The following SV2B variants were observed in gnomAD, a reference collection of about 807,000 sequenced individuals.
The protein encoded by SV2B is synaptic vesicle glycoprotein 2B.
In SV2B, 41 loss-of-function variants were observed where a neutral mutation model predicts 73.9. The ratio of observed to expected loss-of-function variants is 0.56; its 90% confidence interval spans 0.43 to 0.72. The LOEUF is 0.72. SV2B is among the 30% of genes least tolerant of loss of function. The pLI is 0.00. For missense variants in SV2B, 764 were observed against 857.8 expected (o/e 0.89, Z 1.37); for synonymous variants, 314 against 314.2 (o/e 1.00, Z 0.01).
chr15:91,162,033 C>T (rs887996651), intron 1 of SV2B, among the ~76,000 whole-genome samples: 6 of 152,168 alleles, frequency 3.9e-5, no homozygotes, highest in Admixed American at 2.6e-4. Flanking sequence ...TCTTAGATAG[C>T]TGCAGAAATG....
intron 1 of SV2B, among the ~76,000 whole-genome samples, chr15:91,210,633 C>T (rs72748102): frequency 0.024 from 3,611 of 152,244 alleles, 70 homozygotes; most frequent in Non-Finnish European, 0.04. Flanking sequence ...CCCTTAACCT[C>T]GGTAACTCCT....
At chr15:91,217,399 C>T (rs981457258) in intron 1 of SV2B, among the ~76,000 whole-genome samples, 2 of 151,910 alleles carry the variant, frequency 1.3e-5, no homozygotes, top group African/African-American at 4.8e-5. Context: ...TATGGGACCT[C>T]TTGGAGTAAT....
At chr15:91,230,212 G>A (rs1228576689) in intron 2 of SV2B, among the ~76,000 whole-genome samples, 2 of 150,162 alleles carry the variant, frequency 1.3e-5, no homozygotes, top group East Asian at 2.0e-4. Context: ...CTGTACTCCA[G>A]CCTGGGTGAA....
At chr15:91,208,205 C>A (rs910928457) in intron 1 of SV2B, among the ~76,000 whole-genome samples, 1 of 152,204 alleles carries the variant, frequency 6.6e-6, no homozygotes, top group African/African-American at 2.4e-5. Context: ...GGTGTCTGAG[C>A]AGCTGGTTTC....
chr15:91,260,185 A>C (rs1400113336), intron 5 of SV2B, 135 bp from the exon 6 acceptor site: 7 of 682,140 alleles, frequency 1.0e-5, no homozygotes, highest in Non-Finnish European at 1.7e-5. Context: ...TAATGAGTCC[A>C]TGTGCAATTG....
Position 91,258,678 on chromosome 15 carries a change from G to C in SV2B, c.918+124G>C. 7.1e-7 allele frequency: 1 copy of C among 1,402,796 alleles called. No homozygotes were observed. The highest frequency in any genetic ancestry group is 9.6e-7 in the Non-Finnish European group (1 of 1,046,826). The allele number at this position is 1,402,796 out of a possible 1,614,324, so 86.9% of individuals were successfully genotyped here. A position where few individuals can be genotyped will look rare whatever the true frequency, so the allele number is the denominator to read the frequency against. On this transcript the variant is annotated intron_variant, in intron 5 of 12. Coordinates refer to ENST00000394232, the MANE Select transcript of SV2B (RefSeq NM_001323032.3). The surrounding 1 kb of genome is among the most constrained non-coding windows in gnomAD (Gnocchi z 4.7). ...GCTTATGTGTTGCAAACTCTCCCCT[G>C]GTCGGCTGACCTCACTCATCATTGA...
intron 1 of SV2B, among the ~76,000 whole-genome samples, chr15:91,138,094 A>G (rs935987979): frequency 5.9e-5 from 9 of 152,220 alleles, no homozygotes; most frequent in East Asian, 3.8e-4. Context: ...TGATAGAAGT[A>G]TCACAACACT....
intron 2 of SV2B, among the ~76,000 whole-genome samples, chr15:91,249,634 G>A (rs1038852856): frequency 6.6e-6 from 1 of 151,940 alleles, no homozygotes; most frequent in African/African-American, 2.4e-5. Flanking sequence ...GCTAGACTAA[G>A]GAAAAAAGAA....
In SV2B at chr15:91,176,912, G is replaced by A. The variant is rs200282718; in HGVS notation, c.-391-48961G>A. Among the ~76,000 whole-genome samples the A allele has an allele frequency of 2.7e-4, 41 of 152,122 alleles. No homozygotes were observed. The East Asian group carries it at 2.9e-3, about 11-fold the overall frequency. On this transcript the variant is annotated intron_variant, in intron 1 of 12. Coordinates refer to ENST00000394232, the MANE Select transcript of SV2B (RefSeq NM_001323032.3). Reference sequence around the variant, plus strand: ...TTAGTTTAATTAGATCCCATTTGTCGATTTTGGCTTTTGTTGCCATTGCTT... The same window carrying A: ...TTAGTTTAATTAGATCCCATTTGTCAATTTTGGCTTTTGTTGCCATTGCTT...
Position 91,226,067 on chromosome 15 carries a change from G to A in SV2B, c.-197G>A, listed in dbSNP as rs1567362959. ...GACATCGAGTGCAAAAGGATATTTAGGTTGTCTTTGCACAAATCTGGTTGA... is the reference window on the plus strand; with the variant it reads ...GACATCGAGTGCAAAAGGATATTTAAGTTGTCTTTGCACAAATCTGGTTGA... On this transcript the variant is annotated 5_prime_UTR_variant, in exon 2 of 13. Transcript: ENST00000394232. 2 of 598,780 alleles carry A rather than the reference G, an allele frequency of 3.3e-6. No individual in the cohort carries two copies. Among genetic ancestry groups the A allele is most frequent in the East Asian group, 2.9e-5 (1 of 34,886 alleles). The allele number at this position is 598,780 out of a possible 1,614,324, so 37.1% of individuals were successfully genotyped here. A position where few individuals can be genotyped will look rare whatever the true frequency, so the allele number is the denominator to read the frequency against.
chr15:91,109,344 A>C (rs892952630), intron 1 of SV2B, among the ~76,000 whole-genome samples: 13 of 152,228 alleles, frequency 8.5e-5, no homozygotes, highest in Non-Finnish European at 1.8e-4. Flanking sequence ...GACTGTTCAA[A>C]CTGGGAGCTT....
intron 1 of SV2B, among the ~76,000 whole-genome samples, chr15:91,217,587 C>T (rs1252452274): frequency 2.6e-5 from 4 of 152,174 alleles, no homozygotes; most frequent in Admixed American, 2.6e-4. Flanking sequence ...GAATAAACAG[C>T]CACCAAACTG....
rs1194019801 is a variant in SV2B at position 91,226,225 on chromosome 15, A to G, written c.-39A>G. ...AAACCTCTACCACAGAGCGAGGGATATAGCTCAAGGGGCAACCAGGCAGTC... is the reference window on the plus strand; with the variant it reads ...AAACCTCTACCACAGAGCGAGGGATGTAGCTCAAGGGGCAACCAGGCAGTC... On this transcript the variant is annotated 5_prime_UTR_variant, in exon 2 of 13. It adds an upstream start codon to the 5' untranslated region. Transcript: ENST00000394232. 2 of 1,602,912 alleles carry G rather than the reference A, an allele frequency of 1.2e-6. No homozygotes were observed. Among genetic ancestry groups the G allele is most frequent in the Non-Finnish European group, 1.7e-6 (2 of 1,171,244 alleles).
chr15:91,281,718 C>A lies in SV2B; in HGVS notation c.1374-10C>A, dbSNP rs775550062. 1 of 1,589,520 alleles carries A rather than the reference C, an allele frequency of 6.3e-7. No individual in the cohort carries two copies. Among genetic ancestry groups the A allele is most frequent in the South Asian group, 1.1e-5 (1 of 87,670 alleles). ...AGATGAATCACTCAAGGGTCAACCTCTTCCCACAGGTTCACAAGAATGTAC... is the reference window on the plus strand; with the variant it reads ...AGATGAATCACTCAAGGGTCAACCTATTCCCACAGGTTCACAAGAATGTAC... On this transcript the variant is annotated splice_polypyrimidine_tract_variant and intron_variant, in intron 9 of 12. Transcript: ENST00000394232. This position sits in a 1 kb window ranked among gnomAD's most constrained non-coding sequence, Gnocchi z 4.7.
chr15:91,284,284 T>C lies in SV2B; in HGVS notation c.1708+63T>C. 1 of 1,549,896 alleles carries C rather than the reference T, an allele frequency of 6.5e-7. No homozygotes were observed. The highest frequency in any genetic ancestry group is 8.9e-7 in the Non-Finnish European group (1 of 1,129,850). ...GCTGGGGTGGTGACTTTCAAGTGTA[T>C]TAAACAGGGAAATTTTCCCTTTTAT... On this transcript the variant is annotated intron_variant, in intron 11 of 12. Transcript: ENST00000394232. This position sits in a 1 kb window ranked among gnomAD's most constrained non-coding sequence, Gnocchi z 4.5.
rs1381046351 is a variant in SV2B at position 91,105,925 on chromosome 15, T to C, written c.-392+5562T>C. 6.6e-6 allele frequency among the ~76,000 whole-genome samples: 1 copy of C among 152,206 alleles called. No homozygotes were observed. The highest frequency in any genetic ancestry group is 1.5e-5 in the Non-Finnish European group (1 of 68,042). The stretch of plus-strand genomic sequence containing the variant: ...TTAGCCAGGTGTGGTGGCACATGCC[T>C]GTAGCCCTAGCTACTCGGGAGTCTG... On this transcript the variant is annotated intron_variant, in intron 1 of 12. Coordinates refer to ENST00000394232, the MANE Select transcript of SV2B (RefSeq NM_001323032.3). The surrounding 1 kb of genome is among the most constrained non-coding windows in gnomAD (Gnocchi z 5.5).
In SV2B at chr15:91,133,934, A is replaced by G. The variant is rs147481762; in HGVS notation, c.-392+33571A>G. 4.4e-3 allele frequency among the ~76,000 whole-genome samples: 671 copies of G among 151,824 alleles called. 5 individuals carry two copies. Among genetic ancestry groups the G allele is most frequent in the African/African-American group, 0.015 (637 of 41,356 alleles). The stretch of plus-strand genomic sequence containing the variant: ...CATGAGGGCTTTTTGCAGGATGCTT[A>G]AAAAGTGAGGCATGTTGAGATACCT... On this transcript the variant is annotated intron_variant, in intron 1 of 12. Coordinates refer to ENST00000394232, the MANE Select transcript of SV2B (RefSeq NM_001323032.3).
chr15:91,125,358 T>G (rs1325727307), intron 1 of SV2B, among the ~76,000 whole-genome samples: 1 of 152,160 alleles, frequency 6.6e-6, no homozygotes, highest in Non-Finnish European at 1.5e-5. Flanking sequence ...ACTGCACTCA[T>G]GACGTCACAT....
chr15:91,251,108 G>C (rs1035928573), intron 2 of SV2B, among the ~76,000 whole-genome samples: 1 of 152,170 alleles, frequency 6.6e-6, no homozygotes, highest in African/African-American at 2.4e-5. Flanking sequence ...CAGACATATA[G>C]ACCAATGGAA....
Sources: gnomAD v4.1 joint callset for allele counts (sites outside exome capture counted in the v4.1 genomes callset) on GRCh38, gnomAD v4.1.1 for gene constraint, Gnocchi (gnomAD v3.1) non-coding constraint, MANE v1.5 for transcripts, NCBI Gene and HGNC (gene_info 2026-07-23, HGNC 2026-07-21) for gene names.